Variants in SCAP observed in about 807,000 individuals in gnomAD.
SCAP encodes the protein SREBF chaperone, also known as sterol regulatory element-binding protein cleavage-activating protein.
In SCAP, 65 loss-of-function variants were observed where a neutral mutation model predicts 123.6. The observed-to-expected ratio is 0.53, with a 90% CI of 0.43 to 0.65. The LOEUF is 0.65. Ranked by LOEUF, SCAP falls within the 30% of genes least tolerant of loss-of-function variation. The pLI is 0.00. For missense variants in SCAP, 1,398 were observed against 1,712.5 expected, an observed-to-expected ratio of 0.82 and a Z score of 3.24; for synonymous variants, 740 against 726.3, an observed-to-expected ratio of 1.02 and a Z score of -0.30.
intron 6 of SCAP, 130 bp downstream of exon 6, chr3:47,427,027 C>T (rs912126207): frequency 1.4e-6 from 1 of 691,626 alleles, no homozygotes; most frequent in Non-Finnish European, 2.6e-6. Flanking sequence ...TGTAAACATT[C>T]AACAGGAGGC....
At position 47,419,695 on chromosome 3, in the gene SCAP, C is replaced by T. The variant is rs778268038; in HGVS notation, c.1573G>A (p.Val525Ile). 2.6e-5 allele frequency: 40 copies of T among 1,520,206 alleles called. No homozygotes were observed. Among genetic ancestry groups the T allele is most frequent in the Non-Finnish European group, 3.2e-5 (36 of 1,134,042 alleles). The allele number at this position is 1,520,206 out of a possible 1,614,324, so 94.2% of individuals were successfully genotyped here. ...LAQRLIMAGT[V>I]VWIGILVYTD... ...TATACCAGGATGCCAATCCAGACAACGGTGCCAGCCTGCAGTGGGGCAGGG... is the reference window on the plus strand; with the variant it reads ...TATACCAGGATGCCAATCCAGACAATGGTGCCAGCCTGCAGTGGGGCAGGG... Residue 525 changes from valine to isoleucine, a missense_variant, in exon 13 of 23, where the codon GTT (valine) becomes ATT (isoleucine). This residue lies in a region of SCAP where 828 missense variants were observed against 882.5 expected (regional missense o/e 0.94). Transcript: ENST00000265565. This position sits in a 1 kb window ranked among gnomAD's most constrained non-coding sequence, Gnocchi z 5.0.
intron 1 of SCAP, among the ~76,000 whole-genome samples, chr3:47,452,621 G>A (rs1221876866): frequency 1.3e-5 from 2 of 152,110 alleles, no homozygotes; most frequent in Non-Finnish European, 2.9e-5. Context: ...GCCTATCCCA[G>A]ACCTGGTGAA....
At chr3:47,472,411 G>C (rs1037079372) in intron 1 of SCAP, among the ~76,000 whole-genome samples, 33 of 149,604 alleles carry the variant, frequency 2.2e-4, no homozygotes, top group Non-Finnish European at 2.7e-4. Context: ...TCCGCAGTCC[G>C]GCCTGGGCGA....
chr3:47,425,050 C>G lies in SCAP; in HGVS notation c.1037+435G>C, dbSNP rs554203865. The stretch of plus-strand genomic sequence containing the variant: ...CTATTTCATTAGGCATTTAAATGTT[C>G]TAATCATGAAAAAAAAAATGTTCTC... On this transcript the variant is annotated intron_variant, in intron 8 of 22. Coordinates refer to ENST00000265565, the MANE Select transcript of SCAP (RefSeq NM_012235.4). Among the ~76,000 whole-genome samples, 4 of 152,166 alleles carry G rather than the reference C, an allele frequency of 2.6e-5. No individual in the cohort carries two copies. The South Asian group carries it at 8.3e-4, about 32-fold the overall frequency.
intron 1 of SCAP, among the ~76,000 whole-genome samples, chr3:47,471,783 A>AATAC (rs1708032018): frequency 6.6e-6 from 1 of 152,182 alleles, no homozygotes; most frequent in South Asian, 2.1e-4. Context: ...ATATGCTCCC[A>AATAC]ATACATGTAC....
chr3:47,446,607 C>A (rs1035391368), intron 1 of SCAP, among the ~76,000 whole-genome samples: 1 of 151,946 alleles, frequency 6.6e-6, no homozygotes, highest in South Asian at 2.1e-4. Flanking sequence ...TAATTTTCCC[C>A]AATGTCTTCT....
At chr3:47,414,684 T>A (rs1319103194) in intron 20 of SCAP, 32 bp from the exon 21 acceptor site, 5 of 1,612,616 alleles carry the variant, frequency 3.1e-6, no homozygotes, top group Non-Finnish European at 4.2e-6. Context: ...GGTTCTGGTC[T>A]CTGGGATTTT....
chr3:47,421,906 CTGAG>C (rs1362924109), intron 10 of SCAP, among the ~76,000 whole-genome samples: 4 of 152,286 alleles, frequency 2.6e-5, no homozygotes, highest in Non-Finnish European at 5.9e-5. Flanking sequence ...CAGCCCACAG[CTGAG>C]TGAGGGCACT....
intron 6 of SCAP, among the ~76,000 whole-genome samples, chr3:47,426,740 A>G (rs1266040140): frequency 1.3e-5 from 2 of 152,192 alleles, no homozygotes; most frequent in Non-Finnish European, 2.9e-5. Flanking sequence ...CCGGCCTCCA[A>G]CACTCTTGAT....
rs746361918 is a variant in SCAP at position 47,414,794 on chromosome 3, A to G, written c.3306+33T>C. The G allele has an allele frequency of 2.5e-6, 4 of 1,596,834 alleles. No homozygotes were observed. The Admixed American group carries it at 6.8e-5, about 27-fold the overall frequency. On this transcript the variant is annotated intron_variant, in intron 20 of 22. Transcript: ENST00000265565. ...TCAGGCTCCCACCCCGTGCCGGGCCACTCCAGCACCCAAGAGACAAGACAA... is the reference window on the plus strand; with the variant it reads ...TCAGGCTCCCACCCCGTGCCGGGCCGCTCCAGCACCCAAGAGACAAGACAA...
chr3:47,465,098 C>G (rs1707774952), intron 1 of SCAP, among the ~76,000 whole-genome samples: 1 of 150,994 alleles, frequency 6.6e-6, no homozygotes, highest in Non-Finnish European at 1.5e-5. Context: ...ATTGCTGAAA[C>G]AAATTAAAGA....
Position 47,420,724 on chromosome 3 carries a change from C to T in SCAP, c.1393G>A (p.Ala465Thr), listed in dbSNP as rs1426571169. The T allele has an allele frequency of 1.9e-6, 3 of 1,611,226 alleles. No homozygotes were observed. In the South Asian group the frequency reaches 3.3e-5, roughly 18 times the overall value. Residue 465 changes from alanine to threonine, a missense_variant, in exon 12 of 23, where the codon GCC (alanine) becomes ACC (threonine). Coordinates refer to ENST00000265565, the MANE Select transcript of SCAP (RefSeq NM_012235.4). This position sits in a 1 kb window ranked among gnomAD's most constrained non-coding sequence, Gnocchi z 5.0. The part of the protein sequence containing the change: ...RLPPEACLPS[A>T]KPVGQPTRYE... ...CGCGTTGGCTGTCCCACTGGCTTGG[C>T]TGAGGGCAGGCAGGCCTCAGGGGGC...
At chr3:47,426,217 C>G in intron 6 of SCAP, 48 bp from the exon 7 acceptor site, 1 of 1,578,036 alleles carries the variant, frequency 6.3e-7, no homozygotes, top group Non-Finnish European at 8.6e-7. Flanking sequence ...GCTCTTGGTT[C>G]TGGGGACAAA....
chr3:47,414,820 TACTC>T lies in SCAP; in HGVS notation c.3306+3_3306+6del. On this transcript the variant is annotated splice_donor_5th_base_variant and intron_variant, in intron 20 of 22. Transcript: ENST00000265565. ...CTCCAGCACCCAAGAGACAAGACAA[TACTC>T]ACTCTCAGTGTGTGGTCTTGGCTCC... 6.2e-7 allele frequency: 1 copy of T among 1,603,298 alleles called. No individual in the cohort carries two copies. Among genetic ancestry groups the T allele is most frequent in the Non-Finnish European group, 8.5e-7 (1 of 1,175,176 alleles).
In SCAP at chr3:47,425,978, C is replaced by G. The variant is rs1437536702; in HGVS notation, c.910+19G>C. On this transcript the variant is annotated intron_variant, in intron 7 of 22. Transcript: ENST00000265565. ...GTTTAGCTTGGAGAAAGCCCTCAGCCTCCCTGCCATGAACCTACGCGTGGA... is the reference window on the plus strand; with the variant it reads ...GTTTAGCTTGGAGAAAGCCCTCAGCGTCCCTGCCATGAACCTACGCGTGGA... 2 of 1,613,750 alleles carry G rather than the reference C, an allele frequency of 1.2e-6. No homozygotes were observed. The highest frequency in any genetic ancestry group is 1.7e-6 in the Non-Finnish European group (2 of 1,179,862).
chr3:47,418,314 T>TG lies in SCAP; in HGVS notation c.2331+6dup. 1 of 1,557,842 alleles carries TG rather than the reference T, an allele frequency of 6.4e-7. No homozygotes were observed. Among genetic ancestry groups the TG allele is most frequent in the Non-Finnish European group, 8.7e-7 (1 of 1,151,426 alleles). On this transcript the variant is annotated splice_region_variant and intron_variant, in intron 15 of 22. Transcript: ENST00000265565. Reference sequence around the variant, plus strand: ...CTCCCCTACCCGGCCACTGTGCCCCTGCTCACCATGAGGTGGCCGCGCAGC... The same window carrying TG: ...CTCCCCTACCCGGCCACTGTGCCCCTGGCTCACCATGAGGTGGCCGCGCAGC...
At chr3:47,456,714 G>A (rs931530203) in intron 1 of SCAP, among the ~76,000 whole-genome samples, 2 of 151,946 alleles carry the variant, frequency 1.3e-5, no homozygotes, top group East Asian at 3.9e-4. Context: ...GCAGTGAGCC[G>A]AGATCATCCG....
chr3:47,460,561 TTGTC>T (rs1313102944), intron 1 of SCAP, among the ~76,000 whole-genome samples: 2 of 152,144 alleles, frequency 1.3e-5, no homozygotes, highest in African/African-American at 4.8e-5. Flanking sequence ...TTTGTTGTTG[TTGTC>T]TTTTTGAGAC....
Position 47,451,378 on chromosome 3 carries a change from A to T in SCAP, c.-98-8287T>A, listed in dbSNP as rs1177328797. On this transcript the variant is annotated intron_variant, in intron 1 of 22. Transcript: ENST00000265565. ...ATACATGTTTATATTCAAATATTCA[A>T]ACAGTCCTGGAATGCCTTTTTTTTT... Among the ~76,000 whole-genome samples, 12 of 107,478 alleles carry T rather than the reference A, an allele frequency of 1.1e-4. 3 individuals carry two copies. The highest frequency in any genetic ancestry group is 2.1e-4 in the Non-Finnish European group (11 of 51,186). The allele number at this position is 107,478 out of a possible 152,430, so 70.5% of individuals were successfully genotyped here. A position where few individuals can be genotyped will look rare whatever the true frequency, so the allele number is the denominator to read the frequency against.
Sources: gnomAD v4.1 joint callset for allele counts (sites outside exome capture counted in the v4.1 genomes callset) on GRCh38, gnomAD v4.1.1 for gene constraint, gnomAD v4.1.1 regional missense constraint, Gnocchi (gnomAD v3.1) non-coding constraint, MANE v1.5 for transcripts, NCBI Gene and HGNC (gene_info 2026-07-23, HGNC 2026-07-21) for gene names.